Variants in ZFPM2 observed in about 807,000 individuals in gnomAD.
ZFPM2 encodes zinc finger protein ZFPM2.
ZFPM2 carries 20 observed loss-of-function variants against 98.6 expected under a neutral mutation model. The ratio of observed to expected loss-of-function variants is 0.20; its 90% confidence interval spans 0.14 to 0.29. The LOEUF (loss-of-function observed/expected upper bound fraction) is 0.29, where lower values mean the gene tolerates loss of function less well. Ranked by LOEUF, ZFPM2 falls within the 10% of genes least tolerant of loss-of-function variation. ZFPM2 has a pLI of 1.00. For missense variants in ZFPM2, 1,310 were observed against 1,388.6 expected, an observed-to-expected ratio of 0.94 and a Z score of 0.90; for synonymous variants, 518 against 502.7, an observed-to-expected ratio of 1.03 and a Z score of -0.41.
chr8:105,646,357 T>C (rs1293106338), intron 5 of ZFPM2, among the ~76,000 whole-genome samples: 2 of 152,038 alleles, frequency 1.3e-5, no homozygotes, highest in Non-Finnish European at 2.9e-5. Context: ...TTCGTTGATA[T>C]CAGGGATGAA....
intron 5 of ZFPM2, among the ~76,000 whole-genome samples, chr8:105,658,261 T>C (rs1233231985): frequency 6.6e-6 from 1 of 152,148 alleles, no homozygotes; most frequent in Non-Finnish European, 1.5e-5. Context: ...TTCAGTGACC[T>C]TTGAATCTTA....
chr8:105,324,360 A>G (rs1181238984), intron 1 of ZFPM2, among the ~76,000 whole-genome samples: 1 of 151,840 alleles, frequency 6.6e-6, no homozygotes, highest in Admixed American at 6.6e-5. Context: ...CATTACAGTT[A>G]AGGTAACTCA....
intron 1 of ZFPM2, among the ~76,000 whole-genome samples, chr8:105,416,798 G>T (rs973740048): frequency 6.6e-6 from 1 of 151,844 alleles, no homozygotes; most frequent in African/African-American, 2.4e-5. Context: ...TAATATTTTG[G>T]TTGACTTTCA....
rs910632602 is a variant in ZFPM2 at position 105,596,739 on chromosome 8, C to CTTTTTTTT, written c.420+35275_420+35282dup. Reference sequence around the variant, plus strand: ...CTCTGGGTAAGGCTGCCTTTGTCTGCTTTTTTTTTTTTTTTTTTTTTTTTA... The same window carrying CTTTTTTTT: ...CTCTGGGTAAGGCTGCCTTTGTCTGCTTTTTTTTTTTTTTTTTTTTTTTTTTTTTTTTA... On this transcript the variant is annotated intron_variant, in intron 4 of 7. Coordinates refer to ENST00000407775, the MANE Select transcript of ZFPM2 (RefSeq NM_012082.4). Among the ~76,000 whole-genome samples the CTTTTTTTT allele has an allele frequency of 3.1e-4, 18 of 58,926 alleles. 2 individuals carry two copies. The highest frequency in any genetic ancestry group is 4.5e-4 in the Non-Finnish European group (13 of 29,026). 38.7% of individuals were successfully genotyped at this position (58,926 alleles called of 152,430 possible).
At chr8:105,402,938 A>G (rs1355060638) in intron 1 of ZFPM2, among the ~76,000 whole-genome samples, 1 of 152,074 alleles carries the variant, frequency 6.6e-6, no homozygotes, top group Non-Finnish European at 1.5e-5. Context: ...TTAACTGAAT[A>G]TCATGTTCTT....
At chr8:105,490,843 A>C (rs1463698443) in intron 3 of ZFPM2, among the ~76,000 whole-genome samples, 1 of 152,186 alleles carries the variant, frequency 6.6e-6, no homozygotes, top group Non-Finnish European at 1.5e-5. Context: ...TGCATGTCTT[A>C]AGATCATACA....
intron 1 of ZFPM2, among the ~76,000 whole-genome samples, chr8:105,359,512 C>T (rs1812816440): frequency 6.6e-6 from 1 of 151,728 alleles, no homozygotes; most frequent in South Asian, 2.1e-4. Flanking sequence ...GTAGCTGGGA[C>T]TACAGGCACG....
intron 1 of ZFPM2, among the ~76,000 whole-genome samples, chr8:105,365,500 G>T (rs540882753): frequency 6.6e-6 from 1 of 152,194 alleles, no homozygotes; most frequent in African/African-American, 2.4e-5. Context: ...AATCTCTGGA[G>T]TAGTTTGTAA....
chr8:105,493,609 G>C (rs945096369), intron 3 of ZFPM2, among the ~76,000 whole-genome samples: 1 of 152,070 alleles, frequency 6.6e-6, no homozygotes, highest in African/African-American at 2.4e-5. Context: ...TCCCACCTTG[G>C]TCTCAGTTCC....
chr8:105,485,299 G>T (rs530889643), intron 3 of ZFPM2, among the ~76,000 whole-genome samples: 132 of 146,682 alleles, frequency 9.0e-4, no homozygotes, highest in East Asian at 4.1e-3. Context: ...GTTTTTTTTT[G>T]TTTGTTTGTT....
intron 1 of ZFPM2, among the ~76,000 whole-genome samples, chr8:105,398,601 A>G (rs1811271236): frequency 6.6e-6 from 1 of 152,024 alleles, no homozygotes; most frequent in Admixed American, 6.6e-5. Context: ...AGATTCTCAT[A>G]AGGAGCATGC....
At chr8:105,429,868 T>C (rs1217952324) in intron 2 of ZFPM2, among the ~76,000 whole-genome samples, 1 of 152,216 alleles carries the variant, frequency 6.6e-6, no homozygotes, top group African/African-American at 2.4e-5. Flanking sequence ...TTATGTAGTA[T>C]GCATCTTATT....
chr8:105,380,694 TAAC>T (rs1409814320), intron 1 of ZFPM2, among the ~76,000 whole-genome samples: 6 of 14,854 alleles, frequency 4.0e-4, no homozygotes, highest in African/African-American at 8.5e-4. Flanking sequence ...ATATTATATA[TAAC>T]ATATATAATA....
chr8:105,649,219 C>T lies in ZFPM2; in HGVS notation c.532+14862C>T, dbSNP rs1031238652. Among the ~76,000 whole-genome samples the T allele has an allele frequency of 8.3e-4, 127 of 152,286 alleles. 1 individual carries two copies. Among genetic ancestry groups the T allele is most frequent in the African/African-American group, 3.0e-3 (124 of 41,558 alleles). On this transcript the variant is annotated intron_variant, in intron 5 of 7. Coordinates refer to ENST00000407775, the MANE Select transcript of ZFPM2 (RefSeq NM_012082.4). ...TATAGGAATGCTTGTGATTTTTGCA[C>T]AATGATTTTTGTATCCTGAGACTTT... is the stretch of plus-strand genomic sequence containing the variant.
At chr8:105,691,500 G>A (rs1354227973) in intron 5 of ZFPM2, among the ~76,000 whole-genome samples, 6 of 121,300 alleles carry the variant, frequency 4.9e-5, no homozygotes, top group African/African-American at 1.7e-4. Context: ...CACCCGCCTC[G>A]GCCTCCCAAA....
chr8:105,507,636 T>C (rs1371416772), intron 3 of ZFPM2, among the ~76,000 whole-genome samples: 1 of 152,240 alleles, frequency 6.6e-6, no homozygotes, highest in Non-Finnish European at 1.5e-5. Context: ...GTAGCTTTTA[T>C]TGGAATAGAG....
intron 1 of ZFPM2, among the ~76,000 whole-genome samples, chr8:105,397,381 T>TA (rs933768860): frequency 1.3e-5 from 2 of 152,002 alleles, no homozygotes; most frequent in African/African-American, 2.4e-5. Flanking sequence ...CCATAAGGAT[T>TA]AAAAAAAATA....
intron 1 of ZFPM2, among the ~76,000 whole-genome samples, chr8:105,403,472 TTTTG>T (rs1225298199): frequency 6.6e-6 from 1 of 152,124 alleles, no homozygotes; most frequent in Admixed American, 6.6e-5. Flanking sequence ...TTTTCTTATG[TTTTG>T]TTTATTTGAA....
At chr8:105,515,911 CTTTTTTTT>C (rs34183654) in intron 3 of ZFPM2, among the ~76,000 whole-genome samples, 1 of 89,282 alleles carries the variant, frequency 1.1e-5, no homozygotes, top group African/African-American at 4.7e-5. Context: ...AAAACAACTT[CTTTTTTTT>C]TTTTTTTTTT....
Sources: allele counts gnomAD v4.1 joint callset (sites outside exome capture counted in the v4.1 genomes callset), GRCh38; gene constraint gnomAD v4.1.1; transcripts MANE v1.5; gene names NCBI Gene and HGNC (gene_info 2026-07-23, HGNC 2026-07-21).